PDK1: variants seen among roughly 807,000 people sequenced by gnomAD.
The protein encoded by PDK1 is [Pyruvate dehydrogenase (acetyl-transferring)] kinase isozyme 1, mitochondrial.
A neutral mutation model predicts 54.2 loss-of-function variants in PDK1; 39 were observed. The ratio of observed to expected loss-of-function variants is 0.72; its 90% CI spans 0.56 to 0.94. The LOEUF (loss-of-function observed/expected upper bound fraction) is 0.94. PDK1 is among the 40% of genes least tolerant of loss of function. The pLI is 0.00. For synonymous variants in PDK1, 221 were observed against 207.1 expected (o/e 1.07, Z -0.58); for missense variants, 552 against 566.0 (o/e 0.98, Z 0.25).
chr2:172,720,076 GCTTGGGTGT>G, the PDK1 span, among the ~76,000 whole-genome samples: 1 of 148,600 alleles, frequency 6.7e-6, no homozygotes, highest in Admixed American at 6.7e-5. Context: ...TTTTGTTGCT[GCTTGGGTGT>G]CAAAGAGCTT....
chr2:172,693,322 G>A, the PDK1 span, among the ~76,000 whole-genome samples: 1 of 152,264 alleles, frequency 6.6e-6, no homozygotes, highest in South Asian at 2.1e-4. Context: ...AGTCCACAGT[G>A]TGGGAGTGGT....
chr2:172,634,996 C>G, the PDK1 span, among the ~76,000 whole-genome samples: 7 of 151,932 alleles, frequency 4.6e-5, no homozygotes, highest in African/African-American at 1.7e-4. Flanking sequence ...CCTGCTTTTC[C>G]CCCTCAAATC....
chr2:172,583,291 T>TG (rs1316137741), intron 8 of PDK1, among the ~76,000 whole-genome samples: 3 of 130,304 alleles, frequency 2.3e-5, no homozygotes, highest in African/African-American at 9.3e-5. Flanking sequence ...GTTTTTTTTT[T>TG]TTTTTTTTTT....
At chr2:172,683,085 A>C in the PDK1 span, among the ~76,000 whole-genome samples, 52 of 152,180 alleles carry the variant, frequency 3.4e-4, no homozygotes, top group Admixed American at 2.9e-3. Flanking sequence ...GGGGGCTCAC[A>C]CCTGTAATCC....
the PDK1 span, among the ~76,000 whole-genome samples, chr2:172,694,820 T>C: frequency 1.3e-5 from 2 of 152,196 alleles, no homozygotes; most frequent in African/African-American, 2.4e-5. Context: ...TTAGTCTTTA[T>C]GTAGAAGTTT....
the PDK1 span, among the ~76,000 whole-genome samples, chr2:172,644,943 A>G: frequency 4.4e-3 from 515 of 116,532 alleles, 4 homozygotes; most frequent in African/African-American, 0.013. Context: ...TCTTATCTGT[A>G]AAATACAGAT....
chr2:172,688,248 T>C, the PDK1 span, among the ~76,000 whole-genome samples: 1 of 152,176 alleles, frequency 6.6e-6, no homozygotes, highest in Admixed American at 6.5e-5. Flanking sequence ...CAGCTCCTTC[T>C]GGATTGTGCC....
chr2:172,598,087 A>T lies in PDK1; in HGVS notation c.*2118A>T, dbSNP rs1473760539. The stretch of plus-strand genomic sequence containing the variant: ...TGGATTTTGTGAAAAACAATAGAAC[A>T]TGTTAATGAGTAATTTATATTAGTT... On this transcript the variant is annotated 3_prime_UTR_variant, in exon 11 of 11. Coordinates refer to ENST00000282077, the MANE Select transcript of PDK1 (RefSeq NM_002610.5). 1 of 152,202 alleles carries T rather than the reference A, an allele frequency of 6.6e-6. No homozygotes were observed. The highest frequency in any genetic ancestry group is 1.5e-5 in the Non-Finnish European group (1 of 68,020). The allele number at this position is 152,202 out of a possible 1,614,324, so 9.4% of individuals were successfully genotyped here.
the PDK1 span, among the ~76,000 whole-genome samples, chr2:172,721,918 T>C: frequency 6.6e-6 from 1 of 152,234 alleles, no homozygotes; most frequent in Non-Finnish European, 1.5e-5. Flanking sequence ...ACATTTATGC[T>C]CTCTTCTATA....
intron 1 of PDK1, chr2:172,558,148 T>C (rs1423419235): frequency 6.6e-6 from 1 of 152,352 alleles, no homozygotes; most frequent in Non-Finnish European, 1.5e-5. Context: ...TTAATTTATT[T>C]TTTTAAGGCT....
the PDK1 span, among the ~76,000 whole-genome samples, chr2:172,706,155 C>T: frequency 6.6e-6 from 1 of 152,178 alleles, no homozygotes; most frequent in African/African-American, 2.4e-5. Flanking sequence ...CTCCTTACTA[C>T]TTAACCTTTT....
In PDK1 at chr2:172,570,247, A is replaced by G. The variant is rs146008958; in HGVS notation, c.847-479A>G. 5.2e-3 allele frequency among the ~76,000 whole-genome samples: 787 copies of G among 152,334 alleles called. 9 individuals carry two copies. Among genetic ancestry groups the G allele is most frequent in the African/African-American group, 0.017 (718 of 41,570 alleles). ...TAGTCAAAGCAGCTTTACAATGACA[A>G]TACCCTTAATTTCAAACTAGAGATA... On this transcript the variant is annotated intron_variant, in intron 7 of 10. Coordinates refer to ENST00000282077, the MANE Select transcript of PDK1 (RefSeq NM_002610.5).
chr2:172,621,929 GTTTATATCTCATATATGTGGTATAT>G, the PDK1 span, among the ~76,000 whole-genome samples: 54 of 145,116 alleles, frequency 3.7e-4, no homozygotes, highest in African/African-American at 1.3e-3. Context: ...TATGATATAT[GTTTATATCTCATATATGTGGTATAT>G]TTTATATCTC....
intron 9 of PDK1, among the ~76,000 whole-genome samples, chr2:172,592,053 T>C (rs1006132458): frequency 2.0e-5 from 3 of 152,248 alleles, no homozygotes; most frequent in African/African-American, 7.2e-5. Flanking sequence ...CTCCTGTGTC[T>C]GGTCGGACCT....
At chr2:172,708,297 G>A in the PDK1 span, among the ~76,000 whole-genome samples, 1 of 151,578 alleles carries the variant, frequency 6.6e-6, no homozygotes, top group Non-Finnish European at 1.5e-5. Context: ...AAGAAAAATT[G>A]CCAACAGGAT....
rs1327422831 is a variant in PDK1, at chr2:172,598,811, T to A, written c.*2842T>A. On this transcript the variant is annotated 3_prime_UTR_variant, in exon 11 of 11. Transcript: ENST00000282077. ...ACCCTTCTTTTGAAAATAAACTGAG[T>A]CAATTTAGCCTTTTAAAAATATAGT... 1 of 152,116 alleles carries A rather than the reference T, an allele frequency of 6.6e-6. No individual in the cohort carries two copies. The highest frequency in any genetic ancestry group is 1.5e-5 in the Non-Finnish European group (1 of 67,994). 9.4% of individuals were successfully genotyped at this position (152,116 alleles called of 1,614,324 possible).
chr2:172,621,725 TTATATCTCA>T, the PDK1 span, among the ~76,000 whole-genome samples: 1 of 146,854 alleles, frequency 6.8e-6, no homozygotes, highest in African/African-American at 2.5e-5. Context: ...TGTTATATGT[TTATATCTCA>T]TATATGTCAT....
the PDK1 span, among the ~76,000 whole-genome samples, chr2:172,700,067 GC>G: frequency 6.6e-6 from 1 of 152,162 alleles, no homozygotes; most frequent in South Asian, 2.1e-4. Flanking sequence ...AGAGCACGGG[GC>G]TGGGGGCAAG....
chr2:172,566,076 T>C (rs1688922984), intron 5 of PDK1, among the ~76,000 whole-genome samples: 1 of 152,226 alleles, frequency 6.6e-6, no homozygotes, highest in Non-Finnish European at 1.5e-5. Context: ...TTTCAAACAA[T>C]GGATAAGAGT....
Sources: allele counts gnomAD v4.1 joint callset (sites outside exome capture counted in the v4.1 genomes callset), GRCh38; gene constraint gnomAD v4.1.1; transcripts MANE v1.5; gene names NCBI Gene and HGNC (gene_info 2026-07-23, HGNC 2026-07-21).